ANAPC10: variants seen among roughly 807,000 people sequenced by gnomAD.
ANAPC10 encodes anaphase-promoting complex subunit 10.
In ANAPC10, 12 loss-of-function variants were observed where a neutral mutation model predicts 22.0. That is an observed-to-expected ratio of 0.55 (90% CI 0.35 to 0.88). The LOEUF is 0.88. ANAPC10 is among the 40% of genes least tolerant of loss of function. The probability of loss-of-function intolerance (pLI) is 0.01; values close to 1 mark genes in which losing one functional copy is unlikely to be tolerated. For missense variants in ANAPC10, 188 were observed against 220.9 expected (o/e 0.85, Z 0.94); for synonymous variants, 65 against 69.5 (o/e 0.94, Z 0.32).
intron 1 of ANAPC10, chr4:145,097,460 A>T: frequency 7.8e-7 from 1 of 1,284,476 alleles, no homozygotes; most frequent in Non-Finnish European, 1.0e-6. Context: ...ATTGTTATAT[A>T]TGCTATTCAA....
rs772789115 is a variant in ANAPC10, at chr4:144,995,709, C to T, written c.328-106G>A. The T allele has an allele frequency of 3.1e-5, 24 of 773,302 alleles. 1 individual carries two copies. In the Middle Eastern group the frequency reaches 1.1e-3, roughly 35 times the overall value. The allele number at this position is 773,302 out of a possible 1,614,324, so 47.9% of individuals were successfully genotyped here. A position where few individuals can be genotyped will look rare whatever the true frequency, so the allele number is the denominator to read the frequency against. On this transcript the variant is annotated intron_variant, in intron 4 of 4. Transcript: ENST00000507656. ...AACTTATAATTAACATTTTGCTCAA[C>T]GAAAGAATGACAATATGATAATAAT...
rs972595400 is a variant in ANAPC10, at chr4:144,997,808, C to A, written c.328-2205G>T. 2.6e-5 allele frequency among the ~76,000 whole-genome samples: 4 copies of A among 152,102 alleles called. No individual in the cohort carries two copies. The East Asian group carries it at 7.7e-4, about 29-fold the overall frequency. On this transcript the variant is annotated intron_variant, in intron 4 of 4. Coordinates refer to ENST00000507656, the MANE Select transcript of ANAPC10 (RefSeq NM_001256706.2). ...GGCAAATTAGATAAAGAGTCAAGAC[C>A]CATCAGTGTGCTGCATTCAGGAGAC...
chr4:145,081,764 A>T lies in ANAPC10; in HGVS notation c.116-14T>A, dbSNP rs1474464443. 1 of 1,571,828 alleles carries T rather than the reference A, an allele frequency of 6.4e-7. No individual in the cohort carries two copies. The highest frequency in any genetic ancestry group is 8.7e-7 in the Non-Finnish European group (1 of 1,144,642). ...CCACTCCAAATCCTAAAAACACCAA[A>T]AGTGTCAATAAATCCCTGTGAAAAA... On this transcript the variant is annotated splice_polypyrimidine_tract_variant and intron_variant, in intron 2 of 4. Transcript: ENST00000507656.
intron 2 of ANAPC10, among the ~76,000 whole-genome samples, chr4:145,089,724 C>G (rs905070853): frequency 6.6e-6 from 1 of 152,162 alleles, no homozygotes; most frequent in Non-Finnish European, 1.5e-5. Context: ...CATCCTGTAG[C>G]AGGCAAGTAA....
At chr4:145,047,616 C>T (rs1206143434) in intron 4 of ANAPC10, among the ~76,000 whole-genome samples, 1 of 151,974 alleles carries the variant, frequency 6.6e-6, no homozygotes, top group East Asian at 1.9e-4. Context: ...CTTCTCAATG[C>T]CTTTCATTAA....
At chr4:145,005,038 G>A (rs1733134161) in intron 4 of ANAPC10, among the ~76,000 whole-genome samples, 1 of 152,064 alleles carries the variant, frequency 6.6e-6, no homozygotes. Context: ...TCTGTTTAGG[G>A]ATTCAATATC....
chr4:145,064,307 T>C (rs187606454), intron 4 of ANAPC10: 1 of 239,230 alleles, frequency 4.2e-6, no homozygotes, highest in African/African-American at 2.2e-5. Flanking sequence ...CTGAAGAATC[T>C]AGGAAGTGAG....
chr4:145,054,306 C>T (rs1741593562), intron 4 of ANAPC10, among the ~76,000 whole-genome samples: 1 of 149,562 alleles, frequency 6.7e-6, no homozygotes, highest in Non-Finnish European at 1.5e-5. Flanking sequence ...AATTCCAGCA[C>T]TTTGGGAGGC....
At chr4:145,061,651 AC>A (rs1742908973) in intron 4 of ANAPC10, among the ~76,000 whole-genome samples, 1 of 152,208 alleles carries the variant, frequency 6.6e-6, no homozygotes, top group African/African-American at 2.4e-5. Flanking sequence ...ATAAATCAAA[AC>A]AAGCCAACTC....
Position 145,028,771 on chromosome 4 carries a change from C to T in ANAPC10, c.328-33168G>A, listed in dbSNP as rs555050572. Reference sequence around the variant, plus strand: ...AGCGGCAAGGAGTTTAATGACACTACACATAATACCTTTGACCATATGTGG... The same window carrying T: ...AGCGGCAAGGAGTTTAATGACACTATACATAATACCTTTGACCATATGTGG... On this transcript the variant is annotated intron_variant, in intron 4 of 4. Coordinates refer to ENST00000507656, the MANE Select transcript of ANAPC10 (RefSeq NM_001256706.2). Among the ~76,000 whole-genome samples the T allele has an allele frequency of 5.9e-5, 9 of 152,284 alleles. No homozygotes were observed. In the South Asian group the frequency reaches 1.5e-3, roughly 25 times the overall value.
At chr4:145,019,045 A>G (rs1048123417) in intron 4 of ANAPC10, among the ~76,000 whole-genome samples, 1 of 152,186 alleles carries the variant, frequency 6.6e-6, no homozygotes, top group Non-Finnish European at 1.5e-5. Flanking sequence ...GGTCATCAAG[A>G]CAGAAAGTCA....
At chr4:145,025,641 A>C (rs187622918) in intron 4 of ANAPC10, among the ~76,000 whole-genome samples, 3 of 152,282 alleles carry the variant, frequency 2.0e-5, no homozygotes, top group Non-Finnish European at 2.9e-5. Flanking sequence ...ATCACAGATG[A>C]CCGTAACAGG....
chr4:145,081,957 G>T (rs1159857826), intron 2 of ANAPC10, among the ~76,000 whole-genome samples: 1 of 152,118 alleles, frequency 6.6e-6, no homozygotes, highest in Non-Finnish European at 1.5e-5. Context: ...TGATCCTCCT[G>T]CCTTGGCCTC....
chr4:145,067,377 AG>A (rs1743862506), intron 3 of ANAPC10, among the ~76,000 whole-genome samples: 1 of 152,100 alleles, frequency 6.6e-6, no homozygotes, highest in African/African-American at 2.4e-5. Flanking sequence ...GGGAAGGAAG[AG>A]GGCAATACTT....
chr4:145,045,159 T>A (rs1740112096), intron 4 of ANAPC10, among the ~76,000 whole-genome samples: 1 of 152,052 alleles, frequency 6.6e-6, no homozygotes, highest in Non-Finnish European at 1.5e-5. Flanking sequence ...AAAATATTAT[T>A]TATTTTTTTA....
At chr4:145,069,939 T>A (rs1744250297) in intron 3 of ANAPC10, among the ~76,000 whole-genome samples, 1 of 152,222 alleles carries the variant, frequency 6.6e-6, no homozygotes, top group Non-Finnish European at 1.5e-5. Flanking sequence ...ACAGTTATTT[T>A]TCATAAAATT....
chr4:145,005,911 T>A (rs992942995), intron 4 of ANAPC10, among the ~76,000 whole-genome samples: 9 of 152,212 alleles, frequency 5.9e-5, no homozygotes, highest in African/African-American at 1.9e-4. Context: ...CACATGTAGA[T>A]GAGAAAAATG....
At chr4:145,086,270 G>A (rs1402428502) in intron 2 of ANAPC10, among the ~76,000 whole-genome samples, 1 of 152,090 alleles carries the variant, frequency 6.6e-6, no homozygotes, top group Non-Finnish European at 1.5e-5. Context: ...GCCCTGAATT[G>A]TTTTAATTTA....
intron 4 of ANAPC10, among the ~76,000 whole-genome samples, chr4:145,030,372 C>A (rs957166035): frequency 4.6e-5 from 7 of 152,170 alleles, no homozygotes; most frequent in African/African-American, 1.7e-4. Flanking sequence ...GTGAATCTTT[C>A]TCCCATCCTT....
Sources: allele counts gnomAD v4.1 joint callset (sites outside exome capture counted in the v4.1 genomes callset), GRCh38; gene constraint gnomAD v4.1.1; transcripts MANE v1.5; gene names NCBI Gene and HGNC (gene_info 2026-07-23, HGNC 2026-07-21).